Variants in PRKCZ observed in about 807,000 individuals in gnomAD.
PRKCZ encodes protein kinase C zeta.
A neutral mutation model predicts 79.5 loss-of-function variants in PRKCZ; 33 were observed. That is an observed-to-expected ratio of 0.41 (90% CI 0.31 to 0.55). The LOEUF (loss-of-function observed/expected upper bound fraction) is 0.55. PRKCZ is among the 20% of genes least tolerant of loss of function. The pLI is 0.19. For synonymous variants in PRKCZ, 342 were observed against 320.9 expected (o/e 1.07, Z -0.70); for missense variants, 578 against 813.5 (o/e 0.71, Z 3.52).
chr1:2,097,917 G>T (rs1024430801), intron 4 of PRKCZ, among the ~76,000 whole-genome samples: 1 of 152,238 alleles, frequency 6.6e-6, no homozygotes, highest in African/African-American at 2.4e-5. Flanking sequence ...GCCAGTCCCT[G>T]CTGCTGTGTG....
intron 3 of PRKCZ, among the ~76,000 whole-genome samples, chr1:2,056,902 G>A (rs1383748098): frequency 6.6e-6 from 1 of 151,874 alleles, no homozygotes; most frequent in African/African-American, 2.4e-5. Flanking sequence ...CTAATTTTTT[G>A]TATTTTTTGT....
chr1:2,115,478 A>G (rs1047632147), intron 4 of PRKCZ, among the ~76,000 whole-genome samples: 2 of 152,218 alleles, frequency 1.3e-5, no homozygotes, highest in African/African-American at 4.8e-5. Context: ...CTGCACCCAC[A>G]GCCACTCTGG....
intron 4 of PRKCZ, among the ~76,000 whole-genome samples, chr1:2,122,087 C>CGTGGTGGTTAGGGTCATG (rs1557615649): frequency 4.7e-5 from 2 of 42,870 alleles, no homozygotes; most frequent in Non-Finnish European, 8.6e-5. Flanking sequence ...TAGTTAGGGT[C>CGTGGTGGTTAGGGTCATG]GTGGTGGTTA....
At chr1:2,087,300 C>T (rs1002256798) in intron 4 of PRKCZ, among the ~76,000 whole-genome samples, 2 of 152,128 alleles carry the variant, frequency 1.3e-5, no homozygotes, top group African/African-American at 4.8e-5. Context: ...CCAGGCTGGT[C>T]TCGAACTCCT....
rs111349232 is a variant in PRKCZ at position 2,095,386 on chromosome 1, G to A, written c.334+35795G>A. Among the ~76,000 whole-genome samples, 1,159 of 152,234 alleles carry A rather than the reference G, an allele frequency of 7.6e-3. 29 individuals carry two copies. Among genetic ancestry groups the A allele is most frequent in the African/African-American group, 0.027 (1,111 of 41,510 alleles). ...TGCCTTTGAGGTGGGCACGGCACAC[G>A]TGAGAGCTGAGCATTGGTGGAGGAG... On this transcript the variant is annotated intron_variant, in intron 4 of 17. Transcript: ENST00000378567.
intron 4 of PRKCZ, among the ~76,000 whole-genome samples, chr1:2,089,558 T>C (rs1665123847): frequency 6.6e-6 from 1 of 152,178 alleles, no homozygotes; most frequent in South Asian, 2.1e-4. Flanking sequence ...CTCAGAGTCT[T>C]CTTCACGTGA....
intron 10 of PRKCZ, among the ~76,000 whole-genome samples, chr1:2,159,553 A>G (rs867020488): frequency 2.0e-5 from 3 of 152,356 alleles, no homozygotes; most frequent in East Asian, 1.9e-4. Flanking sequence ...TTTGGTTCCC[A>G]TAAAGGGTCT....
Position 2,178,518 on chromosome 1 carries a change from C to T in PRKCZ, c.1575+3205C>T, listed in dbSNP as rs182236116. Reference sequence around the variant, plus strand: ...CTGTGAACCCGCTTCTGGGTGGACTCGTGCTGCTGTGAGCACCTGTGAACC... The same window carrying T: ...CTGTGAACCCGCTTCTGGGTGGACTTGTGCTGCTGTGAGCACCTGTGAACC... On this transcript the variant is annotated intron_variant, in intron 16 of 17. Coordinates refer to ENST00000378567, the MANE Select transcript of PRKCZ (RefSeq NM_002744.6). The surrounding 1 kb of genome is among the most constrained non-coding windows in gnomAD (Gnocchi z 4.3). 2.2e-3 allele frequency among the ~76,000 whole-genome samples: 330 copies of T among 151,770 alleles called. 1 individual carries two copies. Among genetic ancestry groups the T allele is most frequent in the South Asian group, 6.9e-3 (33 of 4,814 alleles).
intron 4 of PRKCZ, among the ~76,000 whole-genome samples, chr1:2,131,102 CTT>C (rs1674868246): frequency 6.6e-6 from 1 of 152,126 alleles, no homozygotes; most frequent in Admixed American, 6.5e-5. Context: ...CCTCTGTGGT[CTT>C]TGGGTCACTT....
chr1:2,055,637 G>C (rs971280716), intron 2 of PRKCZ, 75 bp downstream of exon 2: 36 of 1,530,112 alleles, frequency 2.4e-5, no homozygotes, highest in African/African-American at 1.4e-5. Flanking sequence ...TGTGCGGAGT[G>C]TGCTCAGCCA....
At chr1:2,078,087 C>A (rs1057485370) in intron 4 of PRKCZ, among the ~76,000 whole-genome samples, 1 of 152,006 alleles carries the variant, frequency 6.6e-6, no homozygotes, top group Admixed American at 6.5e-5. Flanking sequence ...ATGCCTGCCT[C>A]ACCTCCCTCC....
intron 16 of PRKCZ, among the ~76,000 whole-genome samples, chr1:2,176,700 G>A (rs1351279766): frequency 6.6e-6 from 1 of 152,234 alleles, no homozygotes; most frequent in Non-Finnish European, 1.5e-5. Context: ...CAGCGTGGGA[G>A]GTCACTCCCT....
chr1:2,155,781 C>T (rs1272332583), intron 9 of PRKCZ, among the ~76,000 whole-genome samples: 1 of 150,394 alleles, frequency 6.6e-6, no homozygotes, highest in Non-Finnish European at 1.5e-5. Flanking sequence ...GTGATGATGA[C>T]AGTGACAATG....
intron 4 of PRKCZ, among the ~76,000 whole-genome samples, chr1:2,077,039 T>A (rs1405008281): frequency 2.0e-5 from 3 of 152,016 alleles, no homozygotes; most frequent in African/African-American, 7.3e-5. Context: ...GGTCTGTTGT[T>A]CCCCCTGAGA....
chr1:2,070,448 A>G (rs1378784881), intron 4 of PRKCZ, among the ~76,000 whole-genome samples: 1 of 152,128 alleles, frequency 6.6e-6, no homozygotes, highest in Non-Finnish European at 1.5e-5. Context: ...GGACACCGTG[A>G]CTACTGCCTT....
chr1:2,175,772 T>A lies in PRKCZ; in HGVS notation c.1575+459T>A, dbSNP rs534223241. Among the ~76,000 whole-genome samples, 20 of 152,032 alleles carry A rather than the reference T, an allele frequency of 1.3e-4. 1 individual carries two copies. The South Asian group carries it at 3.5e-3, about 27-fold the overall frequency. On this transcript the variant is annotated intron_variant, in intron 16 of 17. Transcript: ENST00000378567. Reference sequence around the variant, plus strand: ...AGGAGGGATGGGGAGACACATTTCGTCCTCCGGAGCCAGGAGAGTGAGGGG... The same window carrying A: ...AGGAGGGATGGGGAGACACATTTCGACCTCCGGAGCCAGGAGAGTGAGGGG...
At chr1:2,078,116 A>C (rs1662778847) in intron 4 of PRKCZ, among the ~76,000 whole-genome samples, 1 of 151,964 alleles carries the variant, frequency 6.6e-6, no homozygotes, top group African/African-American at 2.4e-5. Context: ...CTGGCCCCCC[A>C]CACAACATGC....
At chr1:2,169,468 GC>G (rs1429135202) in intron 10 of PRKCZ, 49 bp from the exon 11 acceptor site, 1 of 1,500,210 alleles carries the variant, frequency 6.7e-7, no homozygotes, top group African/African-American at 1.4e-5. Context: ...GTCTAAGGAG[GC>G]CGCCGTCTGC....
chr1:2,150,754 C>T (rs191431828), intron 8 of PRKCZ, 36 bp from the exon 9 acceptor site: 6 of 1,591,408 alleles, frequency 3.8e-6, no homozygotes, highest in South Asian at 2.2e-5. Flanking sequence ...CGGGAACCCC[C>T]CTCTCACTTT....
Sources: gnomAD v4.1 joint callset for allele counts (sites outside exome capture counted in the v4.1 genomes callset) on GRCh38, gnomAD v4.1.1 for gene constraint, Gnocchi (gnomAD v3.1) non-coding constraint, MANE v1.5 for transcripts, NCBI Gene and HGNC (gene_info 2026-07-23, HGNC 2026-07-21) for gene names.